The following KCTD16 variants were observed in gnomAD, a reference collection of about 807,000 sequenced individuals.
The protein encoded by KCTD16 is BTB/POZ domain-containing protein KCTD16.
In KCTD16, 13 loss-of-function variants were observed where a neutral mutation model predicts 33.2. That is an observed-to-expected ratio of 0.39 (90% CI 0.25 to 0.62). The LOEUF is 0.62. Among genes scored for constraint, KCTD16 ranks in the 20% least tolerant of loss-of-function variants. The pLI is 0.50. For missense variants in KCTD16, 441 were observed against 525.1 expected, an observed-to-expected ratio of 0.84 and a Z score of 1.57; for synonymous variants, 197 against 195.3, an observed-to-expected ratio of 1.01 and a Z score of -0.07.
chr5:144,232,338 G>A (rs1020997777), intron 3 of KCTD16, among the ~76,000 whole-genome samples: 2 of 152,046 alleles, frequency 1.3e-5, no homozygotes, highest in African/African-American at 2.4e-5. Context: ...TGCTAATTAC[G>A]ACAACAGTAA....
intron 3 of KCTD16, among the ~76,000 whole-genome samples, chr5:144,326,502 A>C (rs898612633): frequency 6.6e-6 from 1 of 152,202 alleles, no homozygotes; most frequent in Non-Finnish European, 1.5e-5. Context: ...CAATCTGTGC[A>C]ATTCAAAGTA....
intron 3 of KCTD16, among the ~76,000 whole-genome samples, chr5:144,304,542 G>T (rs916908734): frequency 1.2e-4 from 18 of 152,038 alleles, no homozygotes; most frequent in African/African-American, 4.3e-4. Flanking sequence ...TCACAGACAG[G>T]TTGCATTTTT....
At chr5:144,230,702 A>G (rs770334698) in intron 3 of KCTD16, among the ~76,000 whole-genome samples, 1 of 152,246 alleles carries the variant, frequency 6.6e-6, no homozygotes, top group Non-Finnish European at 1.5e-5. Context: ...AGGGATGTAT[A>G]ATGTATGAAT....
At chr5:144,294,158 A>G (rs1453514613) in intron 3 of KCTD16, among the ~76,000 whole-genome samples, 1 of 152,084 alleles carries the variant, frequency 6.6e-6, no homozygotes, top group African/African-American at 2.4e-5. Flanking sequence ...GACTCTGTCA[A>G]ACAAACAAAC....
intron 3 of KCTD16, among the ~76,000 whole-genome samples, chr5:144,214,783 T>C (rs906777168): frequency 1.3e-5 from 2 of 152,212 alleles, no homozygotes; most frequent in African/African-American, 4.8e-5. Context: ...CCTATTTTTC[T>C]ATATCACAGC....
Position 144,400,265 on chromosome 5 carries a change from A to T in KCTD16, c.833-73395A>T, listed in dbSNP as rs192654573. Among the ~76,000 whole-genome samples the T allele has an allele frequency of 3.3e-5, 5 of 152,170 alleles. No homozygotes were observed. In the East Asian group the frequency reaches 9.7e-4, roughly 29 times the overall value. On this transcript the variant is annotated intron_variant, in intron 3 of 3. Coordinates refer to ENST00000512467, the MANE Select transcript of KCTD16 (RefSeq NM_020768.4). ...CCTAAGAAATGCCCACATACATTTG[A>T]CTCTTGACCCTCGTAGGTATGATAT...
intron 3 of KCTD16, among the ~76,000 whole-genome samples, chr5:144,265,555 A>G (rs1315313350): frequency 6.6e-6 from 1 of 152,204 alleles, no homozygotes; most frequent in Non-Finnish European, 1.5e-5. Context: ...CTAAATGCTA[A>G]CAATTTTAAA....
rs752730898 is a variant in KCTD16, at chr5:144,350,094, G to A, written c.833-123566G>A. Among the ~76,000 whole-genome samples the A allele has an allele frequency of 4.6e-5, 7 of 152,130 alleles. No homozygotes were observed. In the East Asian group the frequency reaches 1.2e-3, roughly 25 times the overall value. ...ACTCCCCAGTTTGGGCCACAGGCTCGCTACAGAATTATCCAGAATAATTGG... is the reference window on the plus strand; with the variant it reads ...ACTCCCCAGTTTGGGCCACAGGCTCACTACAGAATTATCCAGAATAATTGG... On this transcript the variant is annotated intron_variant, in intron 3 of 3. Transcript: ENST00000512467.
intron 3 of KCTD16, among the ~76,000 whole-genome samples, chr5:144,263,855 A>G (rs913113084): frequency 6.6e-6 from 1 of 152,222 alleles, no homozygotes; most frequent in Non-Finnish European, 1.5e-5. Context: ...TTATTGATGA[A>G]GGTTCTCATC....
chr5:144,303,403 A>C (rs1231876058), intron 3 of KCTD16, among the ~76,000 whole-genome samples: 1 of 152,204 alleles, frequency 6.6e-6, no homozygotes, highest in Non-Finnish European at 1.5e-5. Flanking sequence ...TTAAAGATCA[A>C]GTACAGCACT....
Position 144,377,471 on chromosome 5 carries a change from T to C in KCTD16, c.833-96189T>C, listed in dbSNP as rs180752001. Among the ~76,000 whole-genome samples the C allele has an allele frequency of 2.0e-4, 31 of 152,324 alleles. No individual in the cohort carries two copies. In the East Asian group the frequency reaches 4.4e-3, roughly 22 times the overall value. On this transcript the variant is annotated intron_variant, in intron 3 of 3. Coordinates refer to ENST00000512467, the MANE Select transcript of KCTD16 (RefSeq NM_020768.4). ...AATTAGGAACTGCATGTGACACTTATTAATTTTATTACATTATACAATTAA... is the reference window on the plus strand; with the variant it reads ...AATTAGGAACTGCATGTGACACTTACTAATTTTATTACATTATACAATTAA...
chr5:144,230,731 A>C (rs573789045), intron 3 of KCTD16, among the ~76,000 whole-genome samples: 6 of 152,222 alleles, frequency 3.9e-5, no homozygotes, highest in Admixed American at 3.3e-4. Flanking sequence ...CACTTTTATA[A>C]TATGGAAGTG....
intron 3 of KCTD16, among the ~76,000 whole-genome samples, chr5:144,226,354 C>G (rs1753930678): frequency 6.6e-6 from 1 of 152,112 alleles, no homozygotes; most frequent in Non-Finnish European, 1.5e-5. Context: ...CTGTCTGATA[C>G]CAAAGACTAT....
chr5:144,366,249 T>A (rs1174623756), intron 3 of KCTD16, among the ~76,000 whole-genome samples: 1 of 152,224 alleles, frequency 6.6e-6, no homozygotes, highest in African/African-American at 2.4e-5. Flanking sequence ...TCAAGTACAC[T>A]GTCAAAGATA....
intron 3 of KCTD16, among the ~76,000 whole-genome samples, chr5:144,339,951 G>A (rs1752586027): frequency 6.6e-6 from 1 of 152,082 alleles, no homozygotes. Context: ...TGTCACTGCT[G>A]CCCTTTAAAA....
intron 3 of KCTD16, among the ~76,000 whole-genome samples, chr5:144,414,907 A>G (rs1156317709): frequency 6.6e-6 from 1 of 152,200 alleles, no homozygotes; most frequent in Non-Finnish European, 1.5e-5. Flanking sequence ...TGGAACTCAG[A>G]CACACACACT....
chr5:144,230,434 C>T (rs1359573193), intron 3 of KCTD16, among the ~76,000 whole-genome samples: 2 of 152,096 alleles, frequency 1.3e-5, no homozygotes, highest in African/African-American at 2.4e-5. Flanking sequence ...TTTAGGCATG[C>T]TGAAAGGTGT....
At position 144,469,164 on chromosome 5, in the gene KCTD16, T is replaced by G. The variant is rs349684; in HGVS notation, c.833-4496T>G. 6.1e-3 allele frequency among the ~76,000 whole-genome samples: 930 copies of G among 152,336 alleles called. 10 individuals carry two copies. The highest frequency in any genetic ancestry group is 0.021 in the African/African-American group (860 of 41,576). ...TTCCCGTTCTGGATTTAAGTTTATT[T>G]GATGTGTTTTCAAGTCAATCTTTAT... On this transcript the variant is annotated intron_variant, in intron 3 of 3. Coordinates refer to ENST00000512467, the MANE Select transcript of KCTD16 (RefSeq NM_020768.4).
At chr5:144,376,969 C>T (rs539861635) in intron 3 of KCTD16, among the ~76,000 whole-genome samples, 6 of 152,176 alleles carry the variant, frequency 3.9e-5, no homozygotes, top group South Asian at 2.1e-4. Context: ...AGAAACCCAG[C>T]GGACTATTCC....
Sources: allele counts gnomAD v4.1 joint callset (sites outside exome capture counted in the v4.1 genomes callset), GRCh38; gene constraint gnomAD v4.1.1; transcripts MANE v1.5; gene names NCBI Gene and HGNC (gene_info 2026-07-23, HGNC 2026-07-21).